The following PCSK5 variants were observed in gnomAD, a reference collection of about 807,000 sequenced individuals.
PCSK5 encodes prohormone convertase 5.
In PCSK5, 129 loss-of-function variants were observed where a neutral mutation model predicts 233.2. The observed-to-expected ratio is 0.55, with a 90% CI of 0.48 to 0.64. The LOEUF (loss-of-function observed/expected upper bound fraction) is 0.64, where lower values mean the gene tolerates loss of function less well. Among genes scored for constraint, PCSK5 ranks in the 30% least tolerant of loss-of-function variants. The pLI, the probability that PCSK5 is intolerant of heterozygous loss-of-function variation, is 0.00. For missense variants in PCSK5, 2,076 were observed against 2,430.1 expected, an observed-to-expected ratio of 0.85 and a Z score of 3.06; for synonymous variants, 825 against 879.2, an observed-to-expected ratio of 0.94 and a Z score of 1.09.
chr9:76,229,026 G>C (rs1825987572), intron 21 of PCSK5, among the ~76,000 whole-genome samples: 1 of 152,136 alleles, frequency 6.6e-6, no homozygotes, highest in African/African-American at 2.4e-5. Flanking sequence ...GAATGAATAA[G>C]AGAAGGAAAA....
At chr9:76,228,296 T>C (rs1311244846) in intron 21 of PCSK5, among the ~76,000 whole-genome samples, 2 of 152,082 alleles carry the variant, frequency 1.3e-5, no homozygotes, top group African/African-American at 4.8e-5. Flanking sequence ...GGTGAACTGT[T>C]TTTAAAGGCA....
chr9:76,134,131 G>A lies in PCSK5; in HGVS notation c.1231G>A (p.Val411Ile). ...EANPFLTWRD[V>I]QHVIVRTSRA... ...CAGTCCGTTTCTGACCTGGAGAGAC[G>A]TACAGCATGTTATTGTCAGGACTTC... Residue 411 changes from valine to isoleucine, a missense_variant, in exon 10 of 38, where the codon GTA becomes ATA. Physicochemically the swap from Val to Ile is conservative, Grantham distance 29. Around this residue, in one of 6 missense-constraint regions of PCSK5, gnomAD observed 178 missense variants for 393.6 expected, o/e 0.45. Transcript: ENST00000674117. 1 of 1,604,700 alleles carries A rather than the reference G, an allele frequency of 6.2e-7. No homozygotes were observed. The highest frequency in any genetic ancestry group is 8.5e-7 in the Non-Finnish European group (1 of 1,174,718).
intron 20 of PCSK5, among the ~76,000 whole-genome samples, chr9:76,208,583 A>C (rs1825211906): frequency 6.6e-6 from 1 of 152,174 alleles, no homozygotes; most frequent in African/African-American, 2.4e-5. Context: ...AGAGCCTCCC[A>C]TTACAGTGAG....
chr9:76,308,545 A>G, intron 28 of PCSK5, 100 bp from the exon 29 acceptor site: 3 of 718,910 alleles, frequency 4.2e-6, no homozygotes, highest in Non-Finnish European at 7.5e-6. Context: ...CATCTGGGGC[A>G]GGAAAAGAGA....
At chr9:75,894,387 A>T (rs1209866647) in intron 1 of PCSK5, among the ~76,000 whole-genome samples, 1 of 152,146 alleles carries the variant, frequency 6.6e-6, no homozygotes, top group African/African-American at 2.4e-5. Flanking sequence ...TCTTCTGTTA[A>T]AAAAAAGATG....
At chr9:75,905,722 A>G (rs1183490441) in intron 1 of PCSK5, among the ~76,000 whole-genome samples, 3 of 151,930 alleles carry the variant, frequency 2.0e-5, no homozygotes, top group Admixed American at 2.0e-4. Flanking sequence ...GGGCCGGTAG[A>G]CTCTTGTAGC....
At chr9:76,079,285 G>A (rs989856492) in intron 7 of PCSK5, among the ~76,000 whole-genome samples, 5 of 150,952 alleles carry the variant, frequency 3.3e-5, no homozygotes, top group Non-Finnish European at 3.0e-5. Context: ...TGTATTTTTA[G>A]TAGAGATCCC....
In PCSK5 at chr9:75,983,899, G is replaced by A. The variant is rs533141768; in HGVS notation, c.298-2233G>A. 1.1e-3 allele frequency among the ~76,000 whole-genome samples: 169 copies of A among 152,142 alleles called. 1 individual carries two copies. Among genetic ancestry groups the A allele is most frequent in the African/African-American group, 3.9e-3 (162 of 41,492 alleles). ...TCATAGAAACCTTCCGATCCAAGAG[G>A]TACTTTTCCCACTTTCCAAAAAATA... On this transcript the variant is annotated intron_variant, in intron 2 of 37. Coordinates refer to ENST00000674117, the MANE Select transcript of PCSK5 (RefSeq NM_001372043.1).
intron 2 of PCSK5, among the ~76,000 whole-genome samples, chr9:75,939,719 A>G (rs1018610448): frequency 6.6e-6 from 1 of 152,262 alleles, no homozygotes; most frequent in Non-Finnish European, 1.5e-5. Context: ...TGCGCTATGC[A>G]TATGTGGTTA....
chr9:76,348,291 G>C (rs578206357), intron 35 of PCSK5, among the ~76,000 whole-genome samples: 1 of 152,252 alleles, frequency 6.6e-6, no homozygotes, highest in South Asian at 2.1e-4. Flanking sequence ...CACACCTGTA[G>C]TCCCAGCTAC....
chr9:76,269,708 C>A (rs1827449540), intron 24 of PCSK5, among the ~76,000 whole-genome samples: 1 of 152,164 alleles, frequency 6.6e-6, no homozygotes. Context: ...TCCATAGAAG[C>A]CATCACATAA....
At position 76,181,417 on chromosome 9, in the gene PCSK5, C is replaced by T; in HGVS notation, c.2023C>T (p.Pro675Ser). Reference sequence around the variant, plus strand: ...ATGCAGGATCTGTGTCTCCAGCTGCCCCCCTGGCCACTACCACGCCGACAA... The same window carrying T: ...ATGCAGGATCTGTGTCTCCAGCTGCTCCCCTGGCCACTACCACGCCGACAA... ...NNTRICVSSC[P>S]PGHYHADKKR... The change falls in exon 16 of 38, where the codon CCC (proline) becomes TCC (serine). Residue 675 changes from proline to serine, a missense_variant. Coordinates refer to ENST00000674117, the MANE Select transcript of PCSK5 (RefSeq NM_001372043.1). 1.9e-6 allele frequency: 3 copies of T among 1,612,614 alleles called. No homozygotes were observed. The highest frequency in any genetic ancestry group is 2.5e-6 in the Non-Finnish European group (3 of 1,179,316).
At chr9:76,179,315 A>G (rs943456526) in intron 14 of PCSK5, among the ~76,000 whole-genome samples, 6 of 152,248 alleles carry the variant, frequency 3.9e-5, no homozygotes, top group African/African-American at 1.2e-4. Context: ...ATTCTCAAAT[A>G]TTTATCTACC....
At chr9:75,978,761 C>A (rs911243435) in intron 2 of PCSK5, among the ~76,000 whole-genome samples, 1 of 152,018 alleles carries the variant, frequency 6.6e-6, no homozygotes, top group African/African-American at 2.4e-5. Flanking sequence ...GGCGTTAATA[C>A]CCAAAATCAA....
chr9:76,241,639 A>G (rs1033595618), intron 24 of PCSK5, among the ~76,000 whole-genome samples: 3 of 152,206 alleles, frequency 2.0e-5, no homozygotes, highest in Non-Finnish European at 4.4e-5. Context: ...GCAGGAGATG[A>G]TGGAGACAGT....
rs547755069 is a variant in PCSK5 at position 76,099,783 on chromosome 9, G to A, written c.1107+3681G>A. On this transcript the variant is annotated intron_variant, in intron 8 of 37. Coordinates refer to ENST00000674117, the MANE Select transcript of PCSK5 (RefSeq NM_001372043.1). ...CTGTTAGTGGCATATGTGATTGAGTGCTACAGGAATGGCAGTGCCTGTCTT... is the reference window on the plus strand; with the variant it reads ...CTGTTAGTGGCATATGTGATTGAGTACTACAGGAATGGCAGTGCCTGTCTT... Among the ~76,000 whole-genome samples, 7 of 152,272 alleles carry A rather than the reference G, an allele frequency of 4.6e-5. No homozygotes were observed. The South Asian group carries it at 1.5e-3, about 32-fold the overall frequency.
intron 7 of PCSK5, among the ~76,000 whole-genome samples, chr9:76,083,180 GC>G (rs1830917963): frequency 7.8e-6 from 1 of 128,678 alleles, no homozygotes; most frequent in South Asian, 2.4e-4. Flanking sequence ...TTGCACTCCA[GC>G]CTGGGCAACA....
chr9:76,051,484 G>A lies in PCSK5; in HGVS notation c.633-16471G>A, dbSNP rs772727310. Among the ~76,000 whole-genome samples, 94 of 152,064 alleles carry A rather than the reference G, an allele frequency of 6.2e-4. No homozygotes were observed. In the Middle Eastern group the frequency reaches 0.01, roughly 17 times the overall value. The stretch of plus-strand genomic sequence containing the variant: ...CAAAATATTTCTTAAGTGGTACTTT[G>A]GTATTTTCCAGGAAAATGAAAACAG... On this transcript the variant is annotated intron_variant, in intron 5 of 37. Transcript: ENST00000674117.
intron 35 of PCSK5, among the ~76,000 whole-genome samples, chr9:76,349,718 T>C (rs1830070022): frequency 6.6e-6 from 1 of 152,228 alleles, no homozygotes; most frequent in Admixed American, 6.5e-5. Flanking sequence ...GCACATTCTA[T>C]GTCCATTAAT....
Sources: allele counts gnomAD v4.1 joint callset (sites outside exome capture counted in the v4.1 genomes callset), GRCh38; gene constraint gnomAD v4.1.1; regional missense constraint gnomAD v4.1.1; transcripts MANE v1.5; gene names NCBI Gene and HGNC (gene_info 2026-07-23, HGNC 2026-07-21).